Variants in CENPK observed in about 807,000 individuals in gnomAD.
The protein encoded by CENPK is SoxLZ/Sox6-binding protein Solt.
In CENPK, 46 loss-of-function variants were observed where a neutral mutation model predicts 40.9. The observed-to-expected ratio is 1.13, with a 90% CI of 0.89 to 1.44. The LOEUF (loss-of-function observed/expected upper bound fraction) is 1.44, where lower values mean the gene tolerates loss of function less well. Among genes scored for constraint, CENPK ranks in the 40% most tolerant of loss-of-function variants. CENPK has a pLI of 0.00. For missense variants in CENPK, 288 were observed against 303.5 expected (o/e 0.95, Z 0.38); for synonymous variants, 107 against 104.4 (o/e 1.02, Z -0.15).
Position 65,554,344 on chromosome 5 carries a change from GT to G in CENPK, c.111+452del, listed in dbSNP as rs540309713. ...TTTGTGTATTTTTAGTAGAGATGGG[GT>G]TTCACCATGTCGGCCAGGATGGTCT... On this transcript the variant is annotated intron_variant, in intron 3 of 10. Coordinates refer to ENST00000396679, the MANE Select transcript of CENPK (RefSeq NM_022145.5). Among the ~76,000 whole-genome samples the G allele has an allele frequency of 5.9e-3, 898 of 152,124 alleles. 5 individuals carry two copies. Among genetic ancestry groups the G allele is most frequent in the African/African-American group, 0.021 (855 of 41,480 alleles).
chr5:65,511,094 C>T, the CENPK span, among the ~76,000 whole-genome samples: 1 of 152,148 alleles, frequency 6.6e-6, no homozygotes, highest in Admixed American at 6.6e-5. Context: ...AAGACACAAC[C>T]ACAACATTCC....
At chr5:65,500,912 C>T in the CENPK span, among the ~76,000 whole-genome samples, 3 of 151,904 alleles carry the variant, frequency 2.0e-5, no homozygotes, top group Non-Finnish European at 4.4e-5. Flanking sequence ...CCTCATGATC[C>T]ACCCACCTCA....
chr5:65,518,216 G>C lies in CENPK; in HGVS notation c.*259C>G. 1 of 320,034 alleles carries C rather than the reference G, an allele frequency of 3.1e-6. No homozygotes were observed. Among genetic ancestry groups the C allele is most frequent in the East Asian group, 6.7e-5 (1 of 14,826 alleles). 19.8% of individuals were successfully genotyped at this position (320,034 alleles called of 1,614,324 possible). A position where few individuals can be genotyped will look rare whatever the true frequency, so the allele number is the denominator to read the frequency against. On this transcript the variant is annotated 3_prime_UTR_variant, in exon 11 of 11. Transcript: ENST00000396679. ...ATCCAAAGAATATTGCATGAGGTAA[G>C]GTACATTAAATGTTTTATGCCTAGA...
chr5:65,556,789 A>G (rs551883283), intron 2 of CENPK, among the ~76,000 whole-genome samples: 33 of 152,330 alleles, frequency 2.2e-4, no homozygotes, highest in Middle Eastern at 3.4e-3. Context: ...AAAGCCCTAG[A>G]CAGGTGTTCC....
At chr5:65,498,868 G>A in the CENPK span, among the ~76,000 whole-genome samples, 1 of 151,898 alleles carries the variant, frequency 6.6e-6, no homozygotes, top group Admixed American at 6.6e-5. Flanking sequence ...GCCCAGACTG[G>A]TCTTGAGAAC....
the CENPK span, among the ~76,000 whole-genome samples, chr5:65,498,649 G>A: frequency 9.6e-6 from 1 of 103,902 alleles, no homozygotes; most frequent in Non-Finnish European, 1.9e-5. Flanking sequence ...TTTTTTTTTA[G>A]AGACAGGGTC....
intron 5 of CENPK, among the ~76,000 whole-genome samples, chr5:65,546,236 G>A (rs200359298): frequency 1.7e-3 from 94 of 54,530 alleles, no homozygotes; most frequent in African/African-American, 5.8e-3. Flanking sequence ...CTGCCCCCCC[G>A]CTCAGGTGAT....
Position 65,551,570 on chromosome 5 carries a change from G to C in CENPK, c.235C>G (p.Pro79Ala), listed in dbSNP as rs753728671. ...TTTAAAATAAGAATCTTACTTTCAG[G>C]TGTTTTTTTCTGCCATTGACTGAGT... ...AELSQWQKKT[P>A]ETIPLTEDVL... The change falls in exon 5 of 11, where the codon CCT (proline) becomes GCT (alanine). Residue 79 changes from proline (P) to alanine (A), a missense_variant. Pro to Ala is a conservative substitution (Grantham distance 27, BLOSUM62 -1). Transcript: ENST00000396679. The C allele has an allele frequency of 6.6e-7, 1 of 1,513,594 alleles. No individual in the cohort carries two copies. Among genetic ancestry groups the C allele is most frequent in the South Asian group, 1.2e-5 (1 of 81,668 alleles). The allele number at this position is 1,513,594 out of a possible 1,614,324, so 93.8% of individuals were successfully genotyped here. A position where few individuals can be genotyped will look rare whatever the true frequency, so the allele number is the denominator to read the frequency against.
rs764451391 is a variant in CENPK at position 65,528,538 on chromosome 5, C to A, written c.511G>T (p.Glu171Ter). The A allele has an allele frequency of 3.1e-6, 5 of 1,587,674 alleles. No homozygotes were observed. Among genetic ancestry groups the A allele is most frequent in the South Asian group, 2.4e-5 (2 of 85,042 alleles). ...ELKTKMLNIK[E>*]YKEKLLSTLG... ...GTACTCAAGAGTTTCTCCTTATATT[C>A]TTTTATATTAAGCATTTTAGTTTTC... Residue 171 changes from glutamate to a stop codon, truncating the protein, a stop_gained, in exon 9 of 11, where the codon GAA becomes TAA. Coordinates refer to ENST00000396679, the MANE Select transcript of CENPK (RefSeq NM_022145.5). LOFTEE classifies it high-confidence loss of function.
chr5:65,557,413 T>C (rs1040680607), intron 2 of CENPK, among the ~76,000 whole-genome samples: 3 of 152,224 alleles, frequency 2.0e-5, no homozygotes, highest in African/African-American at 7.2e-5. Context: ...TGACACCACA[T>C]GACTTTCAAG....
rs1011323041 is a variant in CENPK, at chr5:65,521,645, G to T, written c.598-117C>A. 14 of 727,938 alleles carry T rather than the reference G, an allele frequency of 1.9e-5. No homozygotes were observed. In the African/African-American group the frequency reaches 2.6e-4, roughly 13 times the overall value. 45.1% of individuals were successfully genotyped at this position (727,938 alleles called of 1,614,324 possible). A position where few individuals can be genotyped will look rare whatever the true frequency, so the allele number is the denominator to read the frequency against. On this transcript the variant is annotated intron_variant, in intron 9 of 10. Transcript: ENST00000396679. ...GACAGAGTTTCATTCTTGGCGCCCA[G>T]GCTGGAGTGCAATGGCGCAATCTCG...
chr5:65,501,991 T>C, the CENPK span, among the ~76,000 whole-genome samples: 6 of 152,158 alleles, frequency 3.9e-5, no homozygotes, highest in Non-Finnish European at 7.4e-5. Flanking sequence ...CACATGGCCT[T>C]CTTACTGCTG....
At chr5:65,556,127 C>A (rs1451067089) in intron 2 of CENPK, among the ~76,000 whole-genome samples, 1 of 151,786 alleles carries the variant, frequency 6.6e-6, no homozygotes, top group Non-Finnish European at 1.5e-5. Context: ...TCGTTCTTAA[C>A]AAAGAAATTA....
Position 65,529,101 on chromosome 5 carries a change from T to C in CENPK, c.371+16A>G. The C allele has an allele frequency of 6.4e-7, 1 of 1,571,982 alleles. No homozygotes were observed. ...ATATATATGAATGATTAATAGTAAT[T>C]GTAACATAAACAAACCTTTCTAAGT... is the stretch of plus-strand genomic sequence containing the variant. On this transcript the variant is annotated intron_variant, in intron 7 of 10. Transcript: ENST00000396679.
chr5:65,506,167 T>C, the CENPK span, among the ~76,000 whole-genome samples: 2 of 151,742 alleles, frequency 1.3e-5, no homozygotes, highest in Admixed American at 1.3e-4. Flanking sequence ...GAGAATGTCT[T>C]GAGACCAAGA....
chr5:65,535,503 C>T (rs62369006), intron 6 of CENPK, among the ~76,000 whole-genome samples: 2 of 152,064 alleles, frequency 1.3e-5, no homozygotes, highest in South Asian at 4.1e-4. Context: ...TTACTCTATG[C>T]GGATGGAGTA....
intron 10 of CENPK, among the ~76,000 whole-genome samples, chr5:65,518,910 T>C (rs866047614): frequency 2.0e-5 from 3 of 152,190 alleles, no homozygotes; most frequent in Non-Finnish European, 2.9e-5. Flanking sequence ...GAGATTAATA[T>C]CTTCTTTAGG....
the CENPK span, among the ~76,000 whole-genome samples, chr5:65,512,051 G>A: frequency 5.3e-5 from 8 of 152,086 alleles, no homozygotes; most frequent in Non-Finnish European, 1.5e-5. Context: ...GACTCTGAGG[G>A]GTTCAAGTAA....
chr5:65,519,691 T>C (rs753916935), intron 10 of CENPK, among the ~76,000 whole-genome samples: 1 of 152,234 alleles, frequency 6.6e-6, no homozygotes, highest in Non-Finnish European at 1.5e-5. Flanking sequence ...CTCAATTAAA[T>C]TTTATAATAA....
Sources: allele counts gnomAD v4.1 joint callset (sites outside exome capture counted in the v4.1 genomes callset), GRCh38; gene constraint gnomAD v4.1.1; transcripts MANE v1.5; gene names NCBI Gene and HGNC (gene_info 2026-07-23, HGNC 2026-07-21).